Variants in PAK3 observed in about 807,000 individuals in gnomAD.
PAK3 encodes serine/threonine-protein kinase PAK 3.
A neutral mutation model predicts 41.0 loss-of-function variants in PAK3; 4 were observed. The observed-to-expected ratio is 0.10, with a 90% CI of 0.05 to 0.22. The LOEUF is 0.22. Among genes scored for constraint, PAK3 ranks in the 10% least tolerant of loss-of-function variants. The pLI is 1.00. For synonymous variants in PAK3, 146 were observed against 139.6 expected, an observed-to-expected ratio of 1.05 and a Z score of -0.32; for missense variants, 205 against 409.9, an observed-to-expected ratio of 0.50 and a Z score of 4.32.
intron 4 of PAK3, among the ~76,000 whole-genome samples, chrX:111,112,905 G>T (rs753479937): frequency 9.0e-6 from 1 of 111,567 alleles, no homozygotes; most frequent in African/African-American, 3.3e-5. Context: ...GATCTGTCCT[G>T]CTTATATATG....
chrX:111,092,940 C>T (rs1603191262), upstream of PAK3, among the ~76,000 whole-genome samples: 1 of 111,813 alleles, frequency 8.9e-6, no homozygotes, highest in African/African-American at 3.3e-5. Context: ...CACTTGTGCT[C>T]CCAAAAGGTT....
intron 1 of PAK3, among the ~76,000 whole-genome samples, chrX:111,019,500 C>A (rs1006856322): frequency 6.2e-5 from 6 of 97,042 alleles, no homozygotes; most frequent in Non-Finnish European, 1.2e-4. Context: ...TTGAGACCAG[C>A]CTGGGCAACA....
At chrX:111,177,952 T>C (rs1216485561) in intron 11 of PAK3, among the ~76,000 whole-genome samples, 4 of 111,404 alleles carry the variant, frequency 3.6e-5, no homozygotes, top group Admixed American at 9.6e-5. Context: ...AAAAATATTT[T>C]TGAGGAAGCA....
In PAK3 at chrX:110,994,845, C is replaced by A. The variant is rs1023924626; in HGVS notation, c.-28+50217C>A. Reference sequence around the variant, plus strand: ...GATATGCCTATATATTTTGAAACACCTAGCCCAGTGCCTGGCTTAACAAAC... The same window carrying A: ...GATATGCCTATATATTTTGAAACACATAGCCCAGTGCCTGGCTTAACAAAC... On this transcript the variant is annotated intron_variant, in intron 1 of 14. Transcript: ENST00000425146. Among the ~76,000 whole-genome samples, 28 of 111,584 alleles carry A rather than the reference C, an allele frequency of 2.5e-4. 1 individual carries two copies. Among genetic ancestry groups the A allele is most frequent in the African/African-American group, 9.1e-4 (28 of 30,677 alleles).
At chrX:111,076,284 T>G (rs1336559537) in intron 1 of PAK3, among the ~76,000 whole-genome samples, 1 of 111,905 alleles carries the variant, frequency 8.9e-6, no homozygotes, top group Non-Finnish European at 1.9e-5. Flanking sequence ...CAAGTTGAAA[T>G]GTGATTCCAA....
intron 1 of PAK3, among the ~76,000 whole-genome samples, chrX:111,064,057 G>T (rs2092681775): frequency 9.0e-6 from 1 of 111,045 alleles, no homozygotes; most frequent in Non-Finnish European, 1.9e-5. Flanking sequence ...AGACCCCTTT[G>T]TGTACCCTGA....
intron 1 of PAK3, among the ~76,000 whole-genome samples, chrX:111,056,894 G>A (rs1444980963): frequency 2.7e-5 from 3 of 111,360 alleles, no homozygotes; most frequent in Non-Finnish European, 5.6e-5. Context: ...CTGGGTCATA[G>A]TGAATGTCCC....
At chrX:111,082,789 G>A (rs1603149801) in intron 1 of PAK3, among the ~76,000 whole-genome samples, 1 of 111,673 alleles carries the variant, frequency 9.0e-6, no homozygotes, top group Middle Eastern at 4.6e-3. Context: ...TAGACATTTA[G>A]CAATGTTTTT....
chrX:110,991,251 T>A (rs1349782761), intron 1 of PAK3, among the ~76,000 whole-genome samples: 1 of 112,549 alleles, frequency 8.9e-6, no homozygotes, highest in Non-Finnish European at 1.9e-5. Context: ...TGATTATTTC[T>A]GCCTCATAGG....
intron 4 of PAK3, among the ~76,000 whole-genome samples, chrX:111,106,072 C>T (rs1295794257): frequency 9.0e-6 from 1 of 111,541 alleles, no homozygotes; most frequent in Admixed American, 9.5e-5. Context: ...AAGCACTCCT[C>T]CACATTCGTG....
chrX:111,062,046 G>C (rs1200951382), intron 1 of PAK3, among the ~76,000 whole-genome samples: 1 of 111,023 alleles, frequency 9.0e-6, no homozygotes, highest in East Asian at 2.8e-4. Flanking sequence ...TTGAACTTCT[G>C]GGCTCAACTG....
rs781114444 is a variant in PAK3 at position 110,947,249 on chromosome X, G to A, written c.-28+2621G>A. ...AGGAATGACAGAAGTAGATGAGCTT[G>A]AATGACTTCTTTCCTCGTCTGGACA... On this transcript the variant is annotated intron_variant, in intron 1 of 14. Coordinates refer to the PAK3 transcript ENST00000425146. Among the ~76,000 whole-genome samples the A allele has an allele frequency of 7.1e-5, 8 of 112,135 alleles. No individual in the cohort carries two copies. In the South Asian group the frequency reaches 3.0e-3, roughly 42 times the overall value.
intron 1 of PAK3, among the ~76,000 whole-genome samples, chrX:111,028,286 G>A (rs1170920375): frequency 9.2e-6 from 1 of 108,926 alleles, no homozygotes; most frequent in Non-Finnish European, 1.9e-5. Flanking sequence ...ACTAGTCACT[G>A]GGTAGAGTGT....
intron 10 of PAK3, among the ~76,000 whole-genome samples, chrX:111,170,308 C>A (rs1292786830): frequency 9.1e-6 from 1 of 110,165 alleles, no homozygotes; most frequent in Non-Finnish European, 1.9e-5. Flanking sequence ...AGTATTATAA[C>A]AACCCATATA....
chrX:111,123,030 TA>T, intron 4 of PAK3, 46 bp from the exon 5 acceptor site: 1 of 744,574 alleles, frequency 1.3e-6, no homozygotes, highest in East Asian at 3.2e-5. Flanking sequence ...ATTAGGTTTT[TA>T]GACCTCTTCT....
chrX:110,960,358 A>G (rs923951781), intron 1 of PAK3, among the ~76,000 whole-genome samples: 1 of 112,100 alleles, frequency 8.9e-6, no homozygotes, highest in African/African-American at 3.2e-5. Context: ...ATGCTGGGAG[A>G]GAGGGATCAA....
intron 1 of PAK3, among the ~76,000 whole-genome samples, chrX:111,008,875 C>A (rs55889661): frequency 0.031 from 3,489 of 111,095 alleles, 47 homozygotes; most frequent in Non-Finnish European, 0.051. Context: ...CATAGATACA[C>A]ACGAGTGGGC....
chrX:111,127,616 C>G (rs1442526771), intron 5 of PAK3, among the ~76,000 whole-genome samples: 1 of 111,008 alleles, frequency 9.0e-6, no homozygotes, highest in African/African-American at 3.3e-5. Context: ...AAAGAGACAT[C>G]CTAACCATAT....
chrX:111,194,917 C>T, intron 14 of PAK3, among the ~76,000 whole-genome samples: 2 of 112,543 alleles, frequency 1.8e-5, no homozygotes, highest in Middle Eastern at 9.3e-3. Flanking sequence ...CCAAGTGGGC[C>T]TGACGGTCTG....
Sources: allele counts gnomAD v4.1 joint callset (sites outside exome capture counted in the v4.1 genomes callset), GRCh38; gene constraint gnomAD v4.1.1; transcripts MANE v1.5; gene names NCBI Gene and HGNC (gene_info 2026-07-23, HGNC 2026-07-21).